The following TRPM3 variants were observed in gnomAD, a reference collection of about 807,000 sequenced individuals.
TRPM3 encodes transient receptor potential cation channel subfamily M member 3.
Under a neutral mutation model 181.2 loss-of-function variants are expected in TRPM3, and 77 were observed. That is an observed-to-expected ratio of 0.42 (90% CI 0.35 to 0.51). TRPM3 has a LOEUF of 0.51. Ranked by LOEUF, TRPM3 falls within the 20% of genes least tolerant of loss-of-function variation. TRPM3 has a pLI of 0.01. For missense variants in TRPM3, 1,759 were observed against 2,196.7 expected, an observed-to-expected ratio of 0.80 and a Z score of 3.98; for synonymous variants, 745 against 796.4, an observed-to-expected ratio of 0.94 and a Z score of 1.09.
At chr9:70,805,916 C>A (rs893636285) in intron 6 of TRPM3, among the ~76,000 whole-genome samples, 2 of 152,200 alleles carry the variant, frequency 1.3e-5, no homozygotes, top group East Asian at 1.9e-4. Context: ...GTGTGCACTT[C>A]CTCTGTTCTC....
intron 22 of TRPM3, among the ~76,000 whole-genome samples, chr9:70,558,074 A>C (rs1256205924): frequency 2.4e-4 from 37 of 152,156 alleles, no homozygotes; most frequent in Non-Finnish European, 1.5e-5. Context: ...TGTGACCCAC[A>C]CCTGATCAAT....
rs1051601170 is a variant in TRPM3, at chr9:70,535,243, T to A, written c.*710A>T. 1.8e-5 allele frequency: 12 copies of A among 661,396 alleles called. No homozygotes were observed. Among genetic ancestry groups the A allele is most frequent in the Admixed American group, 6.5e-5 (2 of 30,640 alleles). 41.0% of individuals were successfully genotyped at this position (661,396 alleles called of 1,614,324 possible). ...AACTCTTCTTTCATTTCGATTGCAA[T>A]ACAAAAAGGCATTTCTGTTCCCTTA... On this transcript the variant is annotated 3_prime_UTR_variant, in exon 26 of 26. Coordinates refer to ENST00000677713, the MANE Select transcript of TRPM3 (RefSeq NM_001366145.2).
chr9:71,401,411 A>G (rs1184835849), intron 1 of TRPM3, among the ~76,000 whole-genome samples: 2 of 152,138 alleles, frequency 1.3e-5, no homozygotes, highest in African/African-American at 4.8e-5. Flanking sequence ...GGAGGAGGGC[A>G]TGCAGATGAA....
intron 1 of TRPM3, among the ~76,000 whole-genome samples, chr9:71,416,598 C>T (rs187333862): frequency 6.6e-6 from 1 of 151,736 alleles, no homozygotes; most frequent in African/African-American, 2.4e-5. Flanking sequence ...AAAAACATAA[C>T]CAGTAAAATG....
intron 1 of TRPM3, among the ~76,000 whole-genome samples, chr9:71,160,590 C>G (rs2088795321): frequency 6.6e-6 from 1 of 152,156 alleles, no homozygotes; most frequent in Non-Finnish European, 1.5e-5. Flanking sequence ...TGTCTCAACA[C>G]TTTACTTCCA....
chr9:70,866,530 T>C (rs530540989), intron 1 of TRPM3, among the ~76,000 whole-genome samples: 148 of 152,172 alleles, frequency 9.7e-4, no homozygotes, highest in African/African-American at 3.5e-3. Context: ...ATTGTTGTCA[T>C]GATTTTGGGG....
chr9:71,327,800 C>A (rs970322056), intron 1 of TRPM3, among the ~76,000 whole-genome samples: 1 of 152,108 alleles, frequency 6.6e-6, no homozygotes, highest in Non-Finnish European at 1.5e-5. Context: ...GTTCTATCAA[C>A]GTTTTAAAAA....
At chr9:71,049,901 G>T (rs1214602009) in intron 1 of TRPM3, among the ~76,000 whole-genome samples, 1 of 152,128 alleles carries the variant, frequency 6.6e-6, no homozygotes, top group East Asian at 1.9e-4. Flanking sequence ...ATAATAACCT[G>T]CTTCCAAATC....
rs1368089765 is a variant in TRPM3 at position 71,022,863 on chromosome 9, A to T, written c.177+98315T>A. The stretch of plus-strand genomic sequence containing the variant: ...AAAAATAAATAAAATAAAATGGATT[A>T]CAGATATATATGTAAAATTTAAAAC... On this transcript the variant is annotated intron_variant, in intron 1 of 25. Coordinates refer to ENST00000677713, the MANE Select transcript of TRPM3 (RefSeq NM_001366145.2). Among the ~76,000 whole-genome samples the T allele has an allele frequency of 2.6e-5, 4 of 152,150 alleles. No homozygotes were observed. The South Asian group carries it at 8.3e-4, about 31-fold the overall frequency.
chr9:71,095,758 C>CAAAAAAA (rs34934062), intron 1 of TRPM3, among the ~76,000 whole-genome samples: 3 of 85,288 alleles, frequency 3.5e-5, no homozygotes, highest in African/African-American at 1.3e-4. Context: ...GACTCTGTGT[C>CAAAAAAA]AAAAAAAAAA....
intron 1 of TRPM3, among the ~76,000 whole-genome samples, chr9:71,410,417 A>C (rs2093523569): frequency 6.6e-6 from 1 of 152,222 alleles, no homozygotes; most frequent in South Asian, 2.1e-4. Flanking sequence ...AAAAAATAAT[A>C]AAGGGGATAT....
At chr9:70,929,436 A>T (rs1028800516) in intron 1 of TRPM3, among the ~76,000 whole-genome samples, 2 of 152,104 alleles carry the variant, frequency 1.3e-5, no homozygotes, top group Non-Finnish European at 2.9e-5. Flanking sequence ...TCCTGACCTC[A>T]AGTGATCTGC....
At chr9:71,329,317 T>C (rs2089950376) in intron 1 of TRPM3, among the ~76,000 whole-genome samples, 1 of 152,252 alleles carries the variant, frequency 6.6e-6, no homozygotes, top group African/African-American at 2.4e-5. Flanking sequence ...TTCTGTTTTG[T>C]ACAGTATCTA....
chr9:70,945,579 A>C (rs938732170), intron 1 of TRPM3, among the ~76,000 whole-genome samples: 1 of 152,188 alleles, frequency 6.6e-6, no homozygotes, highest in Admixed American at 6.5e-5. Context: ...GACATTAACC[A>C]ACTCCCCAAA....
At chr9:71,184,279 A>G (rs528069072) in intron 1 of TRPM3, among the ~76,000 whole-genome samples, 29 of 152,238 alleles carry the variant, frequency 1.9e-4, no homozygotes, top group South Asian at 1.0e-3. Flanking sequence ...GTCAGGGTCC[A>G]GCATGGGGGT....
At chr9:71,035,155 G>A (rs188477799) in intron 1 of TRPM3, among the ~76,000 whole-genome samples, 18 of 152,030 alleles carry the variant, frequency 1.2e-4, no homozygotes, top group East Asian at 5.8e-4. Context: ...TTGCTTTTTC[G>A]TAATTAGTAA....
chr9:71,231,082 C>T (rs1254156168), intron 1 of TRPM3, among the ~76,000 whole-genome samples: 1 of 152,136 alleles, frequency 6.6e-6, no homozygotes, highest in South Asian at 2.1e-4. Flanking sequence ...AATATACACA[C>T]AATATACATA....
intron 22 of TRPM3, among the ~76,000 whole-genome samples, chr9:70,576,769 T>A (rs891111635): frequency 2.6e-5 from 4 of 152,110 alleles, no homozygotes; most frequent in Admixed American, 6.5e-5. Context: ...CACCTCAGCC[T>A]CCCAAAGTGC....
At chr9:71,245,877 G>A (rs1238385179) in intron 1 of TRPM3, among the ~76,000 whole-genome samples, 1 of 152,184 alleles carries the variant, frequency 6.6e-6, no homozygotes, top group African/African-American at 2.4e-5. Context: ...GAGGACTCAA[G>A]TGCCCCAAAG....
Sources: gnomAD v4.1 joint callset for allele counts (sites outside exome capture counted in the v4.1 genomes callset) on GRCh38, gnomAD v4.1.1 for gene constraint, MANE v1.5 for transcripts, NCBI Gene and HGNC (gene_info 2026-07-23, HGNC 2026-07-21) for gene names.